The following OPCML variants were observed in gnomAD, a reference collection of about 807,000 sequenced individuals.
OPCML encodes the protein opioid-binding protein/cell adhesion molecule.
In OPCML, 13 loss-of-function variants were observed where a neutral mutation model predicts 37.8. The ratio of observed to expected loss-of-function variants is 0.34; its 90% confidence interval spans 0.22 to 0.55. OPCML has a LOEUF of 0.55. Among genes scored for constraint, OPCML ranks in the 20% least tolerant of loss-of-function variants. The pLI is 0.91. For missense variants in OPCML, 341 were observed against 435.6 expected, an observed-to-expected ratio of 0.78 and a Z score of 1.93; for synonymous variants, 176 against 168.8, an observed-to-expected ratio of 1.04 and a Z score of -0.33.
At chr11:133,200,086 C>T (rs1488455579) in intron 1 of OPCML, among the ~76,000 whole-genome samples, 1 of 152,116 alleles carries the variant, frequency 6.6e-6, no homozygotes, top group Non-Finnish European at 1.5e-5. Flanking sequence ...CCATTTCCCC[C>T]ACCCCTACAC....
chr11:132,922,272 G>A (rs945565027), intron 2 of OPCML, among the ~76,000 whole-genome samples: 1 of 152,090 alleles, frequency 6.6e-6, no homozygotes, highest in Non-Finnish European at 1.5e-5. Flanking sequence ...CCTAAGCATG[G>A]CTTGATTGGA....
intron 1 of OPCML, among the ~76,000 whole-genome samples, chr11:133,230,290 G>A (rs1940220995): frequency 6.6e-6 from 1 of 152,174 alleles, no homozygotes. Flanking sequence ...GATGCTGGTG[G>A]GGCTCATGGG....
chr11:132,526,585 G>A (rs2096309069), intron 4 of OPCML, among the ~76,000 whole-genome samples: 1 of 152,046 alleles, frequency 6.6e-6, no homozygotes, highest in African/African-American at 2.4e-5. Flanking sequence ...CGTGTTCTCA[G>A]TCCACAAAGT....
intron 1 of OPCML, among the ~76,000 whole-genome samples, chr11:133,162,919 C>G (rs1950164225): frequency 6.6e-6 from 1 of 152,184 alleles, no homozygotes. Context: ...CTTGACGCTG[C>G]TAGTAACCAG....
At chr11:132,756,605 A>G (rs1946056993) in intron 2 of OPCML, among the ~76,000 whole-genome samples, 2 of 152,206 alleles carry the variant, frequency 1.3e-5, no homozygotes, top group Admixed American at 1.3e-4. Context: ...GTTTGGTAGC[A>G]TGAGAAATAT....
chr11:133,509,623 A>G (rs546533954), intron 1 of OPCML, among the ~76,000 whole-genome samples: 1 of 152,102 alleles, frequency 6.6e-6, no homozygotes, highest in African/African-American at 2.4e-5. Context: ...ACCTTCTCCC[A>G]CAGTTCTAAG....
At chr11:133,219,666 C>G (rs1173728773) in intron 1 of OPCML, among the ~76,000 whole-genome samples, 1 of 152,120 alleles carries the variant, frequency 6.6e-6, no homozygotes, top group African/African-American at 2.4e-5. Context: ...GCTGCCTGCC[C>G]AAGGACTTCA....
rs1255823209 is a variant in OPCML at position 132,688,943 on chromosome 11, C to A, written c.147-31624G>T. Reference sequence around the variant, plus strand: ...CCGCAGTCCGGCCTGGGCGACAGAGCGAGACTCCGTCTCAAAAAAAAAAAA... The same window carrying A: ...CCGCAGTCCGGCCTGGGCGACAGAGAGAGACTCCGTCTCAAAAAAAAAAAA... On this transcript the variant is annotated intron_variant, in intron 2 of 7. Transcript: ENST00000524381. Among the ~76,000 whole-genome samples, 2 of 115,820 alleles carry A rather than the reference C, an allele frequency of 1.7e-5. 1 individual carries two copies. The highest frequency in any genetic ancestry group is 3.4e-5 in the Non-Finnish European group (2 of 58,906). The allele number at this position is 115,820 out of a possible 152,430, so 76.0% of individuals were successfully genotyped here. A position where few individuals can be genotyped will look rare whatever the true frequency, so the allele number is the denominator to read the frequency against.
chr11:132,821,448 G>A (rs1939981002), intron 2 of OPCML, among the ~76,000 whole-genome samples: 1 of 152,204 alleles, frequency 6.6e-6, no homozygotes, highest in South Asian at 2.1e-4. Context: ...CCATGTGCCA[G>A]GCAAAGCAAG....
intron 2 of OPCML, among the ~76,000 whole-genome samples, chr11:132,883,639 A>C (rs1943302634): frequency 6.6e-6 from 1 of 152,236 alleles, no homozygotes; most frequent in African/African-American, 2.4e-5. Context: ...GAGAATGAAA[A>C]GGACAGGGAA....
At chr11:133,051,075 A>G (rs1281455661) in intron 1 of OPCML, among the ~76,000 whole-genome samples, 2 of 151,480 alleles carry the variant, frequency 1.3e-5, no homozygotes, top group South Asian at 2.1e-4. Flanking sequence ...ACACACACAC[A>G]CACACACACA....
intron 3 of OPCML, among the ~76,000 whole-genome samples, chr11:132,556,178 A>G (rs1398586366): frequency 6.6e-6 from 1 of 152,176 alleles, no homozygotes; most frequent in Non-Finnish European, 1.5e-5. Context: ...TCTGGGCTCA[A>G]GCAATCCTCC....
intron 1 of OPCML, among the ~76,000 whole-genome samples, chr11:133,229,970 C>T (rs566526952): frequency 2.0e-4 from 31 of 152,282 alleles, no homozygotes; most frequent in East Asian, 1.7e-3. Flanking sequence ...TTCTCACTTA[C>T]GTGCCCAAGG....
intron 1 of OPCML, among the ~76,000 whole-genome samples, chr11:133,001,953 G>A (rs1445058102): frequency 6.6e-6 from 1 of 152,198 alleles, no homozygotes; most frequent in East Asian, 1.9e-4. Flanking sequence ...AGTAATAACT[G>A]TCATCTTTTA....
chr11:133,015,463 G>T (rs1006834003), intron 1 of OPCML, among the ~76,000 whole-genome samples: 8 of 138,820 alleles, frequency 5.8e-5, no homozygotes, highest in Admixed American at 3.1e-4. Flanking sequence ...AATGAAGGAA[G>T]GAAGGAAGGA....
At chr11:133,325,210 C>A (rs1045675358) in intron 1 of OPCML, among the ~76,000 whole-genome samples, 1 of 152,210 alleles carries the variant, frequency 6.6e-6, no homozygotes, top group African/African-American at 2.4e-5. Flanking sequence ...CTGCTTCAGA[C>A]GTGCTGTATT....
intron 1 of OPCML, among the ~76,000 whole-genome samples, chr11:133,150,414 C>A (rs1949961908): frequency 6.6e-6 from 1 of 152,186 alleles, no homozygotes; most frequent in African/African-American, 2.4e-5. Flanking sequence ...CGAAATGGTG[C>A]AGCTGGGGTT....
intron 1 of OPCML, among the ~76,000 whole-genome samples, chr11:133,001,434 T>G (rs1947000768): frequency 6.6e-6 from 1 of 152,218 alleles, no homozygotes; most frequent in Admixed American, 6.5e-5. Context: ...GAAGGCTATG[T>G]TTTTCATCTG....
At chr11:132,619,421 T>G (rs1939257480) in intron 3 of OPCML, among the ~76,000 whole-genome samples, 1 of 152,182 alleles carries the variant, frequency 6.6e-6, no homozygotes, top group Admixed American at 6.5e-5. Flanking sequence ...GTGCCTAGTG[T>G]ATGGTAGGCA....
Sources: gnomAD v4.1 joint callset for allele counts (sites outside exome capture counted in the v4.1 genomes callset) on GRCh38, gnomAD v4.1.1 for gene constraint, MANE v1.5 for transcripts, NCBI Gene and HGNC (gene_info 2026-07-23, HGNC 2026-07-21) for gene names.